Variants in VPS8 observed in about 807,000 individuals in gnomAD.
The protein encoded by VPS8 is vacuolar protein sorting-associated protein 8 homolog.
In VPS8, 129 loss-of-function variants were observed where a neutral mutation model predicts 216.4. The observed-to-expected ratio is 0.60, with a 90% CI of 0.52 to 0.69. VPS8 has a LOEUF of 0.69. Among genes scored for constraint, VPS8 ranks in the 30% least tolerant of loss-of-function variants. The pLI is 0.00. For synonymous variants in VPS8, 571 were observed against 565.4 expected, an observed-to-expected ratio of 1.01 and a Z score of -0.14; for missense variants, 1,531 against 1,683.5, an observed-to-expected ratio of 0.91 and a Z score of 1.59.
At chr3:184,929,484 C>G (rs566640568) in intron 32 of VPS8, 96 bp from the exon 33 acceptor site, 3 of 713,926 alleles carry the variant, frequency 4.2e-6, no homozygotes, top group East Asian at 6.0e-5. Flanking sequence ...GCCAGGACAC[C>G]TGGCCCACTT....
At chr3:184,943,006 G>A (rs1743019831) in intron 36 of VPS8, among the ~76,000 whole-genome samples, 1 of 152,068 alleles carries the variant, frequency 6.6e-6, no homozygotes, top group Non-Finnish European at 1.5e-5. Context: ...ATTTGTTTAA[G>A]GTCTGTTTTT....
intron 24 of VPS8, among the ~76,000 whole-genome samples, chr3:184,900,469 A>G (rs1164432141): frequency 2.6e-5 from 4 of 152,132 alleles, no homozygotes; most frequent in African/African-American, 9.7e-5. Flanking sequence ...CCAAATAGGA[A>G]TCTCCCTCTG....
At chr3:184,883,615 T>TTA (rs1364221331) in intron 21 of VPS8, among the ~76,000 whole-genome samples, 1 of 151,200 alleles carries the variant, frequency 6.6e-6, no homozygotes, top group Non-Finnish European at 1.5e-5. Flanking sequence ...GTACTCTAGT[T>TTA]TAGTCCACCA....
intron 46 of VPS8, among the ~76,000 whole-genome samples, chr3:185,036,974 A>G (rs915296463): frequency 6.6e-6 from 1 of 152,000 alleles, no homozygotes; most frequent in African/African-American, 2.4e-5. Flanking sequence ...CACATTTTAT[A>G]TGACTGCTTT....
At chr3:184,916,133 G>A (rs189039384) in intron 28 of VPS8, among the ~76,000 whole-genome samples, 16 of 152,194 alleles carry the variant, frequency 1.1e-4, no homozygotes, top group Admixed American at 8.5e-4. Flanking sequence ...CGGTAGTGAT[G>A]ATAGTAAAAA....
intron 36 of VPS8, 117 bp from the exon 37 acceptor site, chr3:184,957,257 C>G (rs1379713513): frequency 2.9e-6 from 3 of 1,049,258 alleles, no homozygotes; most frequent in South Asian, 1.7e-5. Flanking sequence ...ATATTTTTAT[C>G]TGACCAGCAG....
At chr3:185,031,557 T>C (rs1468143177) in intron 46 of VPS8, among the ~76,000 whole-genome samples, 1 of 152,194 alleles carries the variant, frequency 6.6e-6, no homozygotes, top group Non-Finnish European at 1.5e-5. Flanking sequence ...GGAGTCTAGT[T>C]GCCTTTAGAC....
chr3:185,044,746 T>C (rs542422304), intron 46 of VPS8, among the ~76,000 whole-genome samples: 3 of 152,228 alleles, frequency 2.0e-5, no homozygotes, highest in Admixed American at 6.5e-5. Context: ...CATTTTCCCC[T>C]CCTCTCTCTA....
At chr3:185,051,751 A>C in intron 47 of VPS8, 125 bp from the exon 48 acceptor site, 2 of 1,210,640 alleles carry the variant, frequency 1.7e-6, no homozygotes, top group Non-Finnish European at 2.2e-6. Context: ...CTAAGATTCA[A>C]ACCCTGCATG....
intron 21 of VPS8, among the ~76,000 whole-genome samples, chr3:184,878,292 G>A (rs1163419228): frequency 6.6e-6 from 1 of 151,992 alleles, no homozygotes; most frequent in Non-Finnish European, 1.5e-5. Context: ...TGTACTTTTA[G>A]TGGAGATGGG....
At chr3:184,846,545 A>G (rs1340700739) in intron 8 of VPS8, among the ~76,000 whole-genome samples, 1 of 152,238 alleles carries the variant, frequency 6.6e-6, no homozygotes, top group Admixed American at 6.5e-5. Context: ...ACGTTGTTAA[A>G]TTAGAAAGTA....
At chr3:185,049,835 C>T (rs145507307) in intron 47 of VPS8, among the ~76,000 whole-genome samples, 294 of 152,208 alleles carry the variant, frequency 1.9e-3, no homozygotes, top group Non-Finnish European at 3.2e-3. Context: ...ACTTGGCAGC[C>T]GGAGGAAAGA....
intron 37 of VPS8, among the ~76,000 whole-genome samples, chr3:184,964,251 TAAATG>T (rs1376632485): frequency 6.6e-6 from 1 of 152,014 alleles, no homozygotes; most frequent in African/African-American, 2.4e-5. Context: ...TTAAAATAAA[TAAATG>T]AAAAAAATGA....
intron 15 of VPS8, among the ~76,000 whole-genome samples, chr3:184,861,274 C>T (rs544503091): frequency 1.3e-5 from 2 of 152,288 alleles, no homozygotes; most frequent in South Asian, 4.1e-4. Flanking sequence ...TGTCCAGTAA[C>T]ATTCTGTAGA....
At chr3:184,847,534 A>G (rs542964063) in intron 8 of VPS8, among the ~76,000 whole-genome samples, 27 of 152,354 alleles carry the variant, frequency 1.8e-4, no homozygotes, top group African/African-American at 6.5e-4. Flanking sequence ...GAGGTAAGAC[A>G]TACCCCAAAA....
chr3:184,820,647 A>T (rs1412705010), intron 1 of VPS8, among the ~76,000 whole-genome samples: 1 of 152,100 alleles, frequency 6.6e-6, no homozygotes, highest in South Asian at 2.1e-4. Flanking sequence ...TTTAAAAAAA[A>T]TTTGAGCATG....
chr3:184,834,898 T>C (rs182133205), intron 5 of VPS8, 156 bp downstream of exon 5: 9 of 573,188 alleles, frequency 1.6e-5, no homozygotes, highest in African/African-American at 5.7e-5. Flanking sequence ...TTTTGACTTA[T>C]GAGACATGGC....
At chr3:185,008,221 T>C (rs1002525520) in intron 45 of VPS8, among the ~76,000 whole-genome samples, 1 of 152,162 alleles carries the variant, frequency 6.6e-6, no homozygotes, top group South Asian at 2.1e-4. Flanking sequence ...TGCAGCATTT[T>C]GAGGAGACTT....
intron 29 of VPS8, among the ~76,000 whole-genome samples, chr3:184,921,992 C>T (rs1738713545): frequency 6.6e-6 from 1 of 152,150 alleles, no homozygotes; most frequent in Non-Finnish European, 1.5e-5. Flanking sequence ...CTGACTAGGT[C>T]TCTATAACTG....
Sources: gnomAD v4.1 joint callset for allele counts (sites outside exome capture counted in the v4.1 genomes callset) on GRCh38, gnomAD v4.1.1 for gene constraint, MANE v1.5 for transcripts, NCBI Gene and HGNC (gene_info 2026-07-23, HGNC 2026-07-21) for gene names.